PCDHGB2: variants seen among roughly 807,000 people sequenced by gnomAD.
PCDHGB2 encodes the protein protocadherin gamma-B2.
In PCDHGB2, 55 loss-of-function variants were observed where a neutral mutation model predicts 59.3. The observed-to-expected ratio is 0.93, with a 90% CI of 0.75 to 1.16. The LOEUF (loss-of-function observed/expected upper bound fraction) is 1.16. PCDHGB2 is among the 50% of genes most tolerant of loss of function. The probability of loss-of-function intolerance (pLI) is 0.00; values close to 1 mark genes in which losing one functional copy is unlikely to be tolerated. For missense variants in PCDHGB2, 1,228 were observed against 1,198.5 expected, an observed-to-expected ratio of 1.02 and a Z score of -0.36; for synonymous variants, 516 against 512.0, an observed-to-expected ratio of 1.01 and a Z score of -0.11.
In PCDHGB2 at chr5:141,393,531, C is replaced by T. The variant is rs997965420; in HGVS notation, c.2421+30975C>T. On this transcript the variant is annotated intron_variant, in intron 1 of 3. Transcript: ENST00000522605. ...AGTGTTGGATACAAATGACAATGCC[C>T]CGGTTTTTCCTCACCCGATTTACCG... 4 of 1,613,890 alleles carry T rather than the reference C, an allele frequency of 2.5e-6. No individual in the cohort carries two copies. Among genetic ancestry groups the T allele is most frequent in the African/African-American group, 2.7e-5 (2 of 74,946 alleles).
intron 1 of PCDHGB2, chr5:141,389,202 A>G (rs2091644944): frequency 6.2e-6 from 10 of 1,613,852 alleles, no homozygotes; most frequent in Non-Finnish European, 8.5e-6. Context: ...CACCCTGCAC[A>G]TTGGTGATGT....
intron 1 of PCDHGB2, chr5:141,385,358 T>C (rs1470867728): frequency 6.5e-7 from 1 of 1,546,418 alleles, no homozygotes; most frequent in Non-Finnish European, 8.7e-7. Flanking sequence ...CCATGAGGAA[T>C]TTATTTGCAT....
At chr5:141,463,438 C>CTTTTTT (rs71576115) in intron 1 of PCDHGB2, among the ~76,000 whole-genome samples, 4 of 103,256 alleles carry the variant, frequency 3.9e-5, no homozygotes, top group African/African-American at 1.3e-4. Context: ...TTTCCTTCTC[C>CTTTTTT]TTTTTTTTTT....
At chr5:141,368,517 C>T (rs2149927264) in intron 1 of PCDHGB2, among the ~76,000 whole-genome samples, 1 of 152,138 alleles carries the variant, frequency 6.6e-6, no homozygotes, top group East Asian at 1.9e-4. Flanking sequence ...ATTATTCACT[C>T]CTATGTGAAA....
At chr5:141,413,443 A>G (rs2095641277) in intron 1 of PCDHGB2, 1 of 1,613,986 alleles carries the variant, frequency 6.2e-7, no homozygotes, top group Admixed American at 1.7e-5. Context: ...CAGCTTGATC[A>G]CCGCGGGCAG....
chr5:141,490,331 C>G lies in PCDHGB2; in HGVS notation c.2422-4476C>G. 6.2e-7 allele frequency: 1 copy of G among 1,614,214 alleles called. No individual in the cohort carries two copies. The highest frequency in any genetic ancestry group is 1.1e-5 in the South Asian group (1 of 91,086). The stretch of plus-strand genomic sequence containing the variant: ...GCCAACCCTGTCCTAGAGAGCACAC[C>G]AGTGGGCACAGTAGTGGGGTTGTTT... On this transcript the variant is annotated intron_variant, in intron 1 of 3. Transcript: ENST00000522605. This position sits in a 1 kb window ranked among gnomAD's most constrained non-coding sequence, Gnocchi z 5.4.
At chr5:141,419,796 T>C (rs1334397368) in intron 1 of PCDHGB2, 1 of 1,614,026 alleles carries the variant, frequency 6.2e-7, no homozygotes, top group Admixed American at 1.7e-5. Flanking sequence ...CTAGTCGCTG[T>C]AAGAGATGGA....
chr5:141,414,667 G>C, intron 1 of PCDHGB2: 1 of 1,614,002 alleles, frequency 6.2e-7, no homozygotes, highest in Non-Finnish European at 8.5e-7. Flanking sequence ...CCTGGCTGAA[G>C]ACACCATCCA....
intron 1 of PCDHGB2, among the ~76,000 whole-genome samples, chr5:141,463,438 C>CTTTTTTTTTTTTT (rs71576115): frequency 9.7e-6 from 1 of 103,256 alleles, no homozygotes; most frequent in Non-Finnish European, 1.9e-5. Context: ...TTTCCTTCTC[C>CTTTTTTTTTTTTT]TTTTTTTTTT....
At chr5:141,466,213 C>G (rs2099118871) in intron 1 of PCDHGB2, among the ~76,000 whole-genome samples, 1 of 151,958 alleles carries the variant, frequency 6.6e-6, no homozygotes, top group South Asian at 2.1e-4. Flanking sequence ...CTCTGTTACC[C>G]AGGCTGGAGT....
At chr5:141,421,120 G>T (rs747126094) in intron 1 of PCDHGB2, 4 of 779,870 alleles carry the variant, frequency 5.1e-6, no homozygotes, top group Non-Finnish European at 7.9e-6. Flanking sequence ...ATTTTCCTTC[G>T]CTTTCTGATA....
chr5:141,506,447 A>G (rs1405495926), intron 3 of PCDHGB2, among the ~76,000 whole-genome samples: 3 of 146,906 alleles, frequency 2.0e-5, no homozygotes, highest in Non-Finnish European at 3.0e-5. Flanking sequence ...TCTGTCTCAA[A>G]AAAAAAAAAA....
chr5:141,403,213 G>A (rs1314899957), intron 1 of PCDHGB2: 1 of 1,613,970 alleles, frequency 6.2e-7, no homozygotes, highest in Non-Finnish European at 8.5e-7. Flanking sequence ...TGGTCACCGC[G>A]GGTAGGATAG....
At chr5:141,429,875 A>G (rs959789833) in intron 1 of PCDHGB2, among the ~76,000 whole-genome samples, 3 of 152,322 alleles carry the variant, frequency 2.0e-5, no homozygotes, top group Middle Eastern at 6.8e-3. Context: ...ATTTTCTTTT[A>G]CTAAGTTTCC....
Position 141,491,422 on chromosome 5 carries a change from G to A in PCDHGB2, c.2422-3385G>A. 1 of 1,614,112 alleles carries A rather than the reference G, an allele frequency of 6.2e-7. No individual in the cohort carries two copies. Among genetic ancestry groups the A allele is most frequent in the East Asian group, 2.2e-5 (1 of 44,874 alleles). On this transcript the variant is annotated intron_variant, in intron 1 of 3. Coordinates refer to ENST00000522605, the MANE Select transcript of PCDHGB2 (RefSeq NM_018923.3). The surrounding 1 kb of genome is among the most constrained non-coding windows in gnomAD (Gnocchi z 6.9). The stretch of plus-strand genomic sequence containing the variant: ...AAACGCAGACGGGGACGGGGGTGGA[G>A]GGCAGTGCTGCAGGCGCCAGGACTC...
Position 141,485,220 on chromosome 5 carries a change from C to T in PCDHGB2, c.2422-9587C>T. The T allele has an allele frequency of 6.2e-7, 1 of 1,614,192 alleles. No homozygotes were observed. The highest frequency in any genetic ancestry group is 8.5e-7 in the Non-Finnish European group (1 of 1,180,024). On this transcript the variant is annotated intron_variant, in intron 1 of 3. Transcript: ENST00000522605. This position sits in a 1 kb window ranked among gnomAD's most constrained non-coding sequence, Gnocchi z 5.7. ...TGGACAGAAATCTGGCGGTGGGCTA[C>T]CCTTTTGTTCCTCTTTTACCACCTG... is the stretch of plus-strand genomic sequence containing the variant.
rs764200534 is a variant in PCDHGB2 at position 141,361,691 on chromosome 5, C to T, written c.1556C>T (p.Ala519Val). 1 of 1,613,382 alleles carries T rather than the reference C, an allele frequency of 6.2e-7. No individual in the cohort carries two copies. Among genetic ancestry groups the T allele is most frequent in the East Asian group, 2.2e-5 (1 of 44,886 alleles). Residue 519 changes from alanine to valine, a missense_variant, in exon 1 of 4, where the codon GCC becomes GTC. Physicochemically the swap from Ala to Val is moderately conservative, Grantham distance 64. Coordinates refer to ENST00000522605, the MANE Select transcript of PCDHGB2 (RefSeq NM_018923.3). Reference sequence around the variant, plus strand: ...AGCGGGGTGGTGTTCGCGCAGCGCGCCTTCGATCATGAGCAGCTGCGCGCC... The same window carrying T: ...AGCGGGGTGGTGTTCGCGCAGCGCGTCTTCGATCATGAGCAGCTGCGCGCC... Reference protein sequence around the residue: ...AQSGVVFAQRAFDHEQLRAFE... With the variant: ...AQSGVVFAQRVFDHEQLRAFE...
At chr5:141,499,620 G>A (rs557854340) in intron 2 of PCDHGB2, among the ~76,000 whole-genome samples, 1 of 150,986 alleles carries the variant, frequency 6.6e-6, no homozygotes, top group Non-Finnish European at 1.5e-5. Context: ...TCCTGTCCTT[G>A]GATTCTTTTG....
At position 141,477,984 on chromosome 5, in the gene PCDHGB2, T is replaced by A; in HGVS notation, c.2422-16823T>A. On this transcript the variant is annotated intron_variant, in intron 1 of 3. Coordinates refer to ENST00000522605, the MANE Select transcript of PCDHGB2 (RefSeq NM_018923.3). This position sits in a 1 kb window ranked among gnomAD's most constrained non-coding sequence, Gnocchi z 4.9. ...AACCAGAGCCTTTTTGCCATAGGGC[T>A]GCACACTGGTCAAATCAGTACTGCC... 6.2e-7 allele frequency: 1 copy of A among 1,614,146 alleles called. No homozygotes were observed. The highest frequency in any genetic ancestry group is 8.5e-7 in the Non-Finnish European group (1 of 1,180,028).
Sources: allele counts gnomAD v4.1 joint callset (sites outside exome capture counted in the v4.1 genomes callset), GRCh38; gene constraint gnomAD v4.1.1; non-coding constraint Gnocchi (gnomAD v3.1); transcripts MANE v1.5; gene names NCBI Gene and HGNC (gene_info 2026-07-23, HGNC 2026-07-21).